The following PPP1R21 variants were observed in gnomAD, a reference collection of about 807,000 sequenced individuals.
PPP1R21 encodes the protein protein phosphatase 1 regulatory subunit 21.
PPP1R21 carries 85 observed loss-of-function variants against 112.8 expected under a neutral mutation model. That is an observed-to-expected ratio of 0.75 (90% confidence interval 0.63 to 0.90). The LOEUF is 0.90. PPP1R21 is among the 40% of genes least tolerant of loss of function. The probability of loss-of-function intolerance (pLI) is 0.00; values close to 1 mark genes in which losing one functional copy is unlikely to be tolerated. For synonymous variants in PPP1R21, 381 were observed against 322.3 expected, an observed-to-expected ratio of 1.18 and a Z score of -1.95; for missense variants, 1,199 against 901.5, an observed-to-expected ratio of 1.33 and a Z score of -4.23.
chr2:48,465,368 G>C (rs1668153056), intron 8 of PPP1R21, 125 bp from the exon 9 acceptor site: 2 of 945,962 alleles, frequency 2.1e-6, no homozygotes, highest in African/African-American at 1.7e-5. Context: ...AGTGGGAGCA[G>C]ATGAATTTAA....
chr2:48,450,974 A>G (rs745464142), intron 1 of PPP1R21, 34 bp from the exon 2 acceptor site: 7 of 1,579,486 alleles, frequency 4.4e-6, no homozygotes, highest in South Asian at 4.4e-5. Context: ...ATTGCTTTAT[A>G]TTAGAAATTG....
chr2:48,474,673 C>G lies in PPP1R21; in HGVS notation c.1089-10C>G. 1 of 1,595,718 alleles carries G rather than the reference C, an allele frequency of 6.3e-7. No homozygotes were observed. The highest frequency in any genetic ancestry group is 1.3e-5 in the African/African-American group (1 of 74,088). ...GGATGCTCACTTCTTAAAAATCTGC[C>G]TATTCCTAGTTTAGAAGAAGAATGT... On this transcript the variant is annotated splice_polypyrimidine_tract_variant and intron_variant, in intron 11 of 21. Transcript: ENST00000294952.
At position 48,498,663 on chromosome 2, in the gene PPP1R21, T is replaced by G; in HGVS notation, c.1863T>G (p.Ala621=). The G allele has an allele frequency of 6.2e-7, 1 of 1,614,222 alleles. No individual in the cohort carries two copies. The highest frequency in any genetic ancestry group is 8.5e-7 in the Non-Finnish European group (1 of 1,180,030). Residue 621 remains alanine (A), a synonymous_variant, in exon 17 of 22, where the codon GCT becomes GCG. Coordinates refer to ENST00000294952, the MANE Select transcript of PPP1R21 (RefSeq NM_001135629.3). ...QLVGLAQENA[A]VSNTAGQDEA... is the part of the protein sequence containing the mutation. ...TTGGGCTGGCCCAGGAAAATGCTGC[T>G]GTGTCAAATACTGCTGGCCAGGATG...
chr2:48,479,112 A>C (rs950948117), intron 12 of PPP1R21, among the ~76,000 whole-genome samples: 1 of 152,114 alleles, frequency 6.6e-6, no homozygotes, highest in Non-Finnish European at 1.5e-5. Flanking sequence ...TCTTGGCAGC[A>C]CCACGCCCAA....
intron 17 of PPP1R21, among the ~76,000 whole-genome samples, chr2:48,500,817 G>A (rs976708321): frequency 3.3e-5 from 5 of 152,170 alleles, no homozygotes. Context: ...GCTGAGACAG[G>A]AGAATTGCTT....
chr2:48,452,824 A>G lies in PPP1R21; in HGVS notation c.126+1748A>G, dbSNP rs570972631. On this transcript the variant is annotated intron_variant, in intron 2 of 21. Transcript: ENST00000294952. ...CAAGTAAAAATTAAGGTTTTACTAA[A>G]CAAATGTAGGAAAAAAATTATTTTC... Among the ~76,000 whole-genome samples, 13 of 152,328 alleles carry G rather than the reference A, an allele frequency of 8.5e-5. 1 individual carries two copies. The highest frequency in any genetic ancestry group is 5.2e-4 in the Admixed American group (8 of 15,300).
Position 48,483,195 on chromosome 2 carries a change from C to CTTTTTTTT in PPP1R21, c.1318+3196_1318+3203dup, listed in dbSNP as rs755036470. ...TATAAAATAAAGATACTTTTTTTTC[C>CTTTTTTTT]TTTTTTTTTTTTTTTTTTTTTTTTG... is the stretch of plus-strand genomic sequence containing the variant. On this transcript the variant is annotated intron_variant, in intron 13 of 21. Coordinates refer to ENST00000294952, the MANE Select transcript of PPP1R21 (RefSeq NM_001135629.3). Among the ~76,000 whole-genome samples, 26 of 80,914 alleles carry CTTTTTTTT rather than the reference C, an allele frequency of 3.2e-4. 1 individual carries two copies. Among genetic ancestry groups the CTTTTTTTT allele is most frequent in the Middle Eastern group, 0.025 (1 of 40 alleles). The allele number at this position is 80,914 out of a possible 152,430, so 53.1% of individuals were successfully genotyped here.
At chr2:48,470,593 C>T (rs377312698) in intron 9 of PPP1R21, among the ~76,000 whole-genome samples, 4 of 151,568 alleles carry the variant, frequency 2.6e-5, no homozygotes, top group Admixed American at 6.6e-5. Context: ...CACCAAATAT[C>T]GTATACATTA....
At chr2:48,454,913 C>T (rs1667652325) in intron 3 of PPP1R21, among the ~76,000 whole-genome samples, 172 bp downstream of exon 3, 1 of 152,170 alleles carries the variant, frequency 6.6e-6, no homozygotes, top group Non-Finnish European at 1.5e-5. Flanking sequence ...GATCTTGGCT[C>T]ACTGCAACCT....
In PPP1R21 at chr2:48,510,088, C is replaced by G; in HGVS notation, c.2159C>G (p.Ala720Gly). The G allele has an allele frequency of 6.2e-7, 1 of 1,613,700 alleles. No individual in the cohort carries two copies. Among genetic ancestry groups the G allele is most frequent in the Non-Finnish European group, 8.5e-7 (1 of 1,179,680 alleles). ...KEALTEEMKL[A>G]SQNISRLQDE... ...GCATTGACAGAAGAAATGAAACTTG[C>G]CAGTCAGAACATCAGCAGACTTCAG... The change falls in exon 20 of 22, where the codon GCC (alanine) becomes GGC (glycine). Residue 720 changes from alanine (A) to glycine (G), a missense_variant. Coordinates refer to ENST00000294952, the MANE Select transcript of PPP1R21 (RefSeq NM_001135629.3).
intron 3 of PPP1R21, 46 bp downstream of exon 3, chr2:48,454,787 C>T: frequency 6.9e-7 from 1 of 1,447,578 alleles, no homozygotes; most frequent in Non-Finnish European, 9.7e-7. Flanking sequence ...TCGTTAGTTA[C>T]TGACACCTAC....
At chr2:48,458,633 T>G (rs976184148) in intron 4 of PPP1R21, among the ~76,000 whole-genome samples, 14 of 151,748 alleles carry the variant, frequency 9.2e-5, no homozygotes, top group African/African-American at 3.4e-4. Context: ...GATGTTTAGT[T>G]GGTTCTTATC....
intron 9 of PPP1R21, among the ~76,000 whole-genome samples, chr2:48,467,800 C>A (rs779838955): frequency 3.9e-5 from 6 of 152,132 alleles, no homozygotes; most frequent in Non-Finnish European, 7.3e-5. Flanking sequence ...ACCAAAAATA[C>A]CAGGAAGTGG....
At position 48,467,049 on chromosome 2, in the gene PPP1R21, A is replaced by T. The variant is rs999919588; in HGVS notation, c.897+1407A>T. On this transcript the variant is annotated intron_variant, in intron 9 of 21. Transcript: ENST00000294952. ...CATTTCTCTCCCTGATTGTACTCAC[A>T]GTGTAACTTTCATCACTGGGCATGT... Among the ~76,000 whole-genome samples, 3 of 152,314 alleles carry T rather than the reference A, an allele frequency of 2.0e-5. No homozygotes were observed. In the South Asian group the frequency reaches 6.2e-4, roughly 32 times the overall value.
intron 17 of PPP1R21, among the ~76,000 whole-genome samples, chr2:48,501,095 T>A (rs1670091508): frequency 1.3e-5 from 2 of 152,240 alleles, no homozygotes; most frequent in Non-Finnish European, 2.9e-5. Context: ...TGGGACAAGA[T>A]GACTGTTTTT....
chr2:48,440,894 G>T lies in PPP1R21; in HGVS notation c.-60G>T. On this transcript the variant is annotated 5_prime_UTR_variant, in exon 1 of 22. Coordinates refer to ENST00000294952, the MANE Select transcript of PPP1R21 (RefSeq NM_001135629.3). ...CGTTCCCGGGAGCGTGTCTGGGTTT[G>T]GGGGCGGGAGACAGGCTGAGCCGCC... 1 of 1,252,274 alleles carries T rather than the reference G, an allele frequency of 8.0e-7. No individual in the cohort carries two copies. Among genetic ancestry groups the T allele is most frequent in the East Asian group, 2.5e-5 (1 of 39,806 alleles). 77.6% of individuals were successfully genotyped at this position (1,252,274 alleles called of 1,614,324 possible).
At chr2:48,461,629 G>T (rs1667983618) in intron 7 of PPP1R21, among the ~76,000 whole-genome samples, 1 of 152,138 alleles carries the variant, frequency 6.6e-6, no homozygotes, top group African/African-American at 2.4e-5. Context: ...TCAATTCCCA[G>T]CAATAGCTAC....
At chr2:48,498,860 C>T (rs1332061805) in intron 17 of PPP1R21, 125 bp downstream of exon 17, 7 of 983,570 alleles carry the variant, frequency 7.1e-6, no homozygotes, top group Non-Finnish European at 9.1e-6. Context: ...ATAAGCTGAG[C>T]ATCTTGTAAA....
chr2:48,472,984 T>G (rs1668590730), intron 11 of PPP1R21, among the ~76,000 whole-genome samples: 1 of 143,272 alleles, frequency 7.0e-6, no homozygotes, highest in Non-Finnish European at 1.5e-5. Flanking sequence ...TCAGCCTGGG[T>G]GATAGAGTCC....
Sources: gnomAD v4.1 joint callset for allele counts (sites outside exome capture counted in the v4.1 genomes callset) on GRCh38, gnomAD v4.1.1 for gene constraint, MANE v1.5 for transcripts, NCBI Gene and HGNC (gene_info 2026-07-23, HGNC 2026-07-21) for gene names.